The following INSYN2B variants were observed in gnomAD, a reference collection of about 807,000 sequenced individuals.
INSYN2B encodes protein INSYN2B.
Under a neutral mutation model 41.2 loss-of-function variants are expected in INSYN2B, and 16 were observed. The observed-to-expected ratio is 0.39, with a 90% CI of 0.26 to 0.59. INSYN2B has a LOEUF of 0.59. INSYN2B is among the 20% of genes least tolerant of loss of function. The pLI, the probability that INSYN2B is intolerant of heterozygous loss-of-function variation, is 0.57. For missense variants in INSYN2B, 608 were observed against 646.4 expected, an observed-to-expected ratio of 0.94 and a Z score of 0.64; for synonymous variants, 245 against 244.4, an observed-to-expected ratio of 1.00 and a Z score of -0.02.
At chr5:169,921,264 C>T (rs1030122186) in intron 1 of INSYN2B, among the ~76,000 whole-genome samples, 13 of 152,186 alleles carry the variant, frequency 8.5e-5, no homozygotes, top group South Asian at 2.1e-4. Flanking sequence ...TTAGAATATT[C>T]AAGATCATCA....
intron 1 of INSYN2B, among the ~76,000 whole-genome samples, chr5:169,962,980 C>G (rs950856814): frequency 2.6e-5 from 4 of 152,168 alleles, no homozygotes; most frequent in Non-Finnish European, 4.4e-5. Flanking sequence ...GAAGCTCTAG[C>G]TGGGCTAAGG....
chr5:169,961,836 G>A (rs754302009), intron 1 of INSYN2B, among the ~76,000 whole-genome samples: 3 of 151,836 alleles, frequency 2.0e-5, no homozygotes, highest in Non-Finnish European at 2.9e-5. Context: ...AAAATTAGCT[G>A]AGTGTGGTGG....
intron 3 of INSYN2B, among the ~76,000 whole-genome samples, chr5:169,870,699 C>T (rs1367113568): frequency 6.6e-6 from 1 of 151,806 alleles, no homozygotes; most frequent in Non-Finnish European, 1.5e-5. Flanking sequence ...GTATGCTGCA[C>T]CCATTAACTC....
At chr5:169,904,648 G>A (rs1193899692) in intron 1 of INSYN2B, among the ~76,000 whole-genome samples, 4 of 152,132 alleles carry the variant, frequency 2.6e-5, no homozygotes, top group African/African-American at 4.8e-5. Context: ...TGAGGGCCCC[G>A]CAGTCCTTTA....
chr5:169,881,575 T>G, intron 2 of INSYN2B, 133 bp from the exon 3 acceptor site: 2 of 675,196 alleles, frequency 3.0e-6, no homozygotes, highest in Non-Finnish European at 5.4e-6. Flanking sequence ...CCATTACAAA[T>G]AAGGAAACAA....
intron 1 of INSYN2B, among the ~76,000 whole-genome samples, chr5:169,914,351 G>A (rs1411639066): frequency 6.6e-6 from 1 of 152,134 alleles, no homozygotes; most frequent in East Asian, 1.9e-4. Context: ...TAATCTCACT[G>A]ATTCCTTCAT....
intron 1 of INSYN2B, among the ~76,000 whole-genome samples, chr5:169,979,749 G>T (rs1777874126): frequency 6.6e-6 from 1 of 152,160 alleles, no homozygotes; most frequent in South Asian, 2.1e-4. Context: ...ACGCAACCGG[G>T]TTTTTCTACG....
chr5:169,933,091 A>G (rs1225348542), intron 1 of INSYN2B, among the ~76,000 whole-genome samples: 1 of 152,240 alleles, frequency 6.6e-6, no homozygotes, highest in South Asian at 2.1e-4. Flanking sequence ...GTTAAGTAAG[A>G]GAGATGCCCT....
chr5:169,872,429 A>G (rs1361159260), intron 3 of INSYN2B, among the ~76,000 whole-genome samples: 1 of 152,184 alleles, frequency 6.6e-6, no homozygotes, highest in African/African-American at 2.4e-5. Flanking sequence ...CCTAATGACA[A>G]GTTTGCTCAT....
At chr5:169,879,227 A>C (rs1056181133) in intron 3 of INSYN2B, among the ~76,000 whole-genome samples, 7 of 152,226 alleles carry the variant, frequency 4.6e-5, no homozygotes, top group Non-Finnish European at 7.3e-5. Flanking sequence ...AGTGACATGC[A>C]CTGAGCGCAT....
At chr5:169,958,474 A>G (rs1282522795) in intron 1 of INSYN2B, among the ~76,000 whole-genome samples, 1 of 152,124 alleles carries the variant, frequency 6.6e-6, no homozygotes, top group Non-Finnish European at 1.5e-5. Flanking sequence ...GTGCATATTT[A>G]AATTACAGCT....
intron 1 of INSYN2B, among the ~76,000 whole-genome samples, chr5:169,959,902 T>C (rs1777015705): frequency 6.6e-6 from 1 of 152,340 alleles, no homozygotes; most frequent in Non-Finnish European, 1.5e-5. Context: ...TTCAGAGAGC[T>C]GAGCCTGCAA....
intron 1 of INSYN2B, among the ~76,000 whole-genome samples, chr5:169,950,166 C>T (rs549845389): frequency 2.6e-5 from 4 of 152,146 alleles, no homozygotes; most frequent in South Asian, 2.1e-4. Context: ...CAGGAGCCAT[C>T]GTGGAAGGTG....
chr5:169,973,163 C>T (rs189912540), intron 1 of INSYN2B, among the ~76,000 whole-genome samples: 2 of 152,160 alleles, frequency 1.3e-5, no homozygotes, highest in South Asian at 2.1e-4. Context: ...CTTGGTCACC[C>T]GATGTTCTGT....
At chr5:169,917,541 A>C (rs1053303414) in intron 1 of INSYN2B, among the ~76,000 whole-genome samples, 2 of 152,224 alleles carry the variant, frequency 1.3e-5, no homozygotes, top group African/African-American at 4.8e-5. Context: ...TTGACTTCCC[A>C]TCAAGAGAAG....
intron 1 of INSYN2B, among the ~76,000 whole-genome samples, chr5:169,975,503 T>C (rs1777683652): frequency 6.6e-6 from 1 of 152,142 alleles, no homozygotes; most frequent in South Asian, 2.1e-4. Context: ...GTCATACCTT[T>C]CCACCACACT....
chr5:169,886,229 A>C (rs186076474), intron 1 of INSYN2B, among the ~76,000 whole-genome samples: 1 of 152,328 alleles, frequency 6.6e-6, no homozygotes, highest in East Asian at 1.9e-4. Context: ...TTTCATGAGC[A>C]GGTGGTTCCT....
intron 1 of INSYN2B, among the ~76,000 whole-genome samples, 188 bp from the exon 2 acceptor site, chr5:169,885,004 T>G (rs531190473): frequency 8.5e-4 from 130 of 152,278 alleles, no homozygotes; most frequent in Admixed American, 3.4e-3. Context: ...TGGAACAAAA[T>G]GCCTGTCTGC....
intron 1 of INSYN2B, among the ~76,000 whole-genome samples, chr5:169,895,433 C>T (rs919569143): frequency 2.6e-5 from 4 of 151,998 alleles, no homozygotes; most frequent in South Asian, 2.1e-4. Flanking sequence ...CCTGGAGATC[C>T]GGGGACAGGG....
Sources: gnomAD v4.1 joint callset for allele counts (sites outside exome capture counted in the v4.1 genomes callset) on GRCh38, gnomAD v4.1.1 for gene constraint, MANE v1.5 for transcripts, NCBI Gene and HGNC (gene_info 2026-07-23, HGNC 2026-07-21) for gene names.